The following RAB10 variants were observed in gnomAD, a reference collection of about 807,000 sequenced individuals.
RAB10 encodes ras-related protein Rab-10.
In RAB10, 5 loss-of-function variants were observed where a neutral mutation model predicts 25.7. That is an observed-to-expected ratio of 0.19 (90% CI 0.10 to 0.41). RAB10 has a LOEUF of 0.41. Among genes scored for constraint, RAB10 ranks in the 10% least tolerant of loss-of-function variants. The probability of loss-of-function intolerance (pLI) is 1.00; values close to 1 mark genes in which losing one functional copy is unlikely to be tolerated. For synonymous variants in RAB10, 89 were observed against 86.4 expected (o/e 1.03, Z -0.16); for missense variants, 103 against 245.8 (o/e 0.42, Z 3.89).
At chr2:26,091,205 T>C (rs1667099688) in intron 1 of RAB10, among the ~76,000 whole-genome samples, 1 of 152,210 alleles carries the variant, frequency 6.6e-6, no homozygotes, top group Admixed American at 6.5e-5. Flanking sequence ...GATAAAAATC[T>C]CTACCCTTTT....
chr2:26,077,699 G>A (rs1476111227), intron 1 of RAB10, among the ~76,000 whole-genome samples: 1 of 152,178 alleles, frequency 6.6e-6, no homozygotes, highest in Non-Finnish European at 1.5e-5. Context: ...TAGATGGGAG[G>A]CTGGGCACAG....
chr2:26,033,844 C>T (rs952661204), upstream of RAB10, among the ~76,000 whole-genome samples: 1 of 152,184 alleles, frequency 6.6e-6, no homozygotes, highest in African/African-American at 2.4e-5. Flanking sequence ...GGTAGCGTCT[C>T]CCCCGGGGCG....
intron 1 of RAB10, among the ~76,000 whole-genome samples, chr2:26,035,523 A>C (rs1559574327): frequency 6.6e-6 from 1 of 152,234 alleles, no homozygotes; most frequent in Non-Finnish European, 1.5e-5. Context: ...AGTAAGAGCT[A>C]AAGAGTGACC....
At chr2:26,080,648 TCA>T (rs1666849841) in intron 1 of RAB10, among the ~76,000 whole-genome samples, 1 of 152,126 alleles carries the variant, frequency 6.6e-6, no homozygotes, top group Non-Finnish European at 1.5e-5. Context: ...GGAACTACAG[TCA>T]CACACTACCA....
In RAB10 at chr2:26,067,329, TAGA is replaced by T. The variant is rs1666535267; in HGVS notation, c.128-31332_128-31330del. Among the ~76,000 whole-genome samples, 9 of 152,356 alleles carry T rather than the reference TAGA, an allele frequency of 5.9e-5. No individual in the cohort carries two copies. The South Asian group carries it at 1.9e-3, about 32-fold the overall frequency. ...TATTTAAAAATACATAGATTAGTTGTAGATATACACTGTGTAACAATGAAAAGG... is the reference window on the plus strand; with the variant it reads ...TATTTAAAAATACATAGATTAGTTGTTATACACTGTGTAACAATGAAAAGG... On this transcript the variant is annotated intron_variant, in intron 1 of 5. Coordinates refer to ENST00000264710, the MANE Select transcript of RAB10 (RefSeq NM_016131.5).
chr2:26,063,649 G>A (rs1172624476), intron 1 of RAB10, among the ~76,000 whole-genome samples: 3 of 152,100 alleles, frequency 2.0e-5, no homozygotes, highest in Non-Finnish European at 4.4e-5. Context: ...GGCAAGTGGT[G>A]GTTCTGGTAA....
At chr2:26,111,679 T>G (rs1186392302) in intron 3 of RAB10, among the ~76,000 whole-genome samples, 1 of 152,180 alleles carries the variant, frequency 6.6e-6, no homozygotes, top group Non-Finnish European at 1.5e-5. Context: ...ATTTTATTGT[T>G]CAGGTAAGTA....
rs367952522 is a variant in RAB10, at chr2:26,125,557, C to A, written c.328-1587C>A. Among the ~76,000 whole-genome samples, 31 of 150,164 alleles carry A rather than the reference C, an allele frequency of 2.1e-4. No homozygotes were observed. In the East Asian group the frequency reaches 5.3e-3, roughly 26 times the overall value. On this transcript the variant is annotated intron_variant, in intron 3 of 5. Transcript: ENST00000264710. ...CTCAACTTCCCAGGCTCAAGTGATTCTCCTACCACAGCCTCCTAAGTAGCT... is the reference window on the plus strand; with the variant it reads ...CTCAACTTCCCAGGCTCAAGTGATTATCCTACCACAGCCTCCTAAGTAGCT...
intron 3 of RAB10, among the ~76,000 whole-genome samples, chr2:26,123,877 A>G (rs1667853353): frequency 6.6e-6 from 1 of 152,166 alleles, no homozygotes; most frequent in Admixed American, 6.6e-5. Context: ...GTTTTTCCGT[A>G]AAGTTAAACT....
chr2:26,043,182 C>T (rs1419302887), intron 1 of RAB10, among the ~76,000 whole-genome samples: 1 of 152,124 alleles, frequency 6.6e-6, no homozygotes, highest in Non-Finnish European at 1.5e-5. Flanking sequence ...AATCCCAGCA[C>T]TTTAGGAGGC....
At chr2:26,108,847 G>A (rs900370330) in intron 2 of RAB10, among the ~76,000 whole-genome samples, 9 of 151,932 alleles carry the variant, frequency 5.9e-5, no homozygotes, top group Non-Finnish European at 8.8e-5. Context: ...TAGTTGGAGA[G>A]ATACAGGGTT....
chr2:26,096,951 G>A (rs1207734942), intron 1 of RAB10, among the ~76,000 whole-genome samples: 1 of 152,162 alleles, frequency 6.6e-6, no homozygotes, highest in Non-Finnish European at 1.5e-5. Flanking sequence ...GCTGGGTGCG[G>A]TGGCTCACGC....
chr2:26,038,405 A>G (rs997120135), intron 1 of RAB10, among the ~76,000 whole-genome samples: 1 of 151,552 alleles, frequency 6.6e-6, no homozygotes, highest in African/African-American at 2.4e-5. Context: ...CATGTTGGTC[A>G]GGCTGCTCTT....
At chr2:26,052,037 A>G (rs1227744707) in intron 1 of RAB10, among the ~76,000 whole-genome samples, 2 of 151,744 alleles carry the variant, frequency 1.3e-5, no homozygotes, top group Non-Finnish European at 1.5e-5. Flanking sequence ...AGCCTGGGCA[A>G]CAGAGCGAGA....
At chr2:26,038,393 A>C (rs1366646010) in intron 1 of RAB10, among the ~76,000 whole-genome samples, 1 of 150,272 alleles carries the variant, frequency 6.7e-6, no homozygotes, top group South Asian at 2.1e-4. Flanking sequence ...GTGGTGTTTC[A>C]TCATGTTGGT....
chr2:26,042,264 A>G (rs969879835), intron 1 of RAB10, among the ~76,000 whole-genome samples: 5 of 152,160 alleles, frequency 3.3e-5, no homozygotes, highest in Admixed American at 2.0e-4. Context: ...AGAGAGGTAT[A>G]ATACATACAT....
At chr2:26,035,828 G>A (rs1665752860) in intron 1 of RAB10, among the ~76,000 whole-genome samples, 1 of 152,202 alleles carries the variant, frequency 6.6e-6, no homozygotes, top group African/African-American at 2.4e-5. Context: ...AGTTTGTATA[G>A]CGTAACTGAA....
At chr2:26,127,017 G>T (rs1667922044) in intron 3 of RAB10, 127 bp from the exon 4 acceptor site, 4 of 665,842 alleles carry the variant, frequency 6.0e-6, no homozygotes. Context: ...GTAGTTTTAG[G>T]GTGACTGCTT....
At chr2:26,118,073 A>G (rs996613469) in intron 3 of RAB10, among the ~76,000 whole-genome samples, 4 of 151,930 alleles carry the variant, frequency 2.6e-5, no homozygotes, top group Non-Finnish European at 5.9e-5. Flanking sequence ...CCCGGATTCA[A>G]GTGGTTCTCC....
Sources: gnomAD v4.1 joint callset for allele counts (sites outside exome capture counted in the v4.1 genomes callset) on GRCh38, gnomAD v4.1.1 for gene constraint, MANE v1.5 for transcripts, NCBI Gene and HGNC (gene_info 2026-07-23, HGNC 2026-07-21) for gene names.